GRM1: variants seen among roughly 807,000 people sequenced by gnomAD.
The protein encoded by GRM1 is metabotropic glutamate receptor 1.
Under a neutral mutation model 90.9 loss-of-function variants are expected in GRM1, and 33 were observed. The ratio of observed to expected loss-of-function variants is 0.36; its 90% CI spans 0.28 to 0.49. The LOEUF (loss-of-function observed/expected upper bound fraction) is 0.49. Among genes scored for constraint, GRM1 ranks in the 20% least tolerant of loss-of-function variants. The probability of loss-of-function intolerance (pLI) is 0.99; values close to 1 mark genes in which losing one functional copy is unlikely to be tolerated. For missense variants in GRM1, 1,190 were observed against 1,534.3 expected (o/e 0.78, Z 3.75); for synonymous variants, 700 against 613.2 (o/e 1.14, Z -2.09).
intron 1 of GRM1, among the ~76,000 whole-genome samples, chr6:146,136,730 G>A (rs896167255): frequency 6.6e-6 from 1 of 151,774 alleles, no homozygotes; most frequent in African/African-American, 2.4e-5. Context: ...ATTCAGTAAA[G>A]TTGCAGGATA....
chr6:146,042,905 G>T (rs887184391), intron 1 of GRM1, among the ~76,000 whole-genome samples: 1 of 151,950 alleles, frequency 6.6e-6, no homozygotes, highest in Non-Finnish European at 1.5e-5. Flanking sequence ...TCAGAGCCAA[G>T]AATTATCCTT....
chr6:146,122,010 C>A (rs969682251), intron 1 of GRM1, among the ~76,000 whole-genome samples: 4 of 152,084 alleles, frequency 2.6e-5, no homozygotes, highest in African/African-American at 9.7e-5. Flanking sequence ...TCTCGTTGAT[C>A]CGTCTAATAT....
At chr6:146,228,737 T>C (rs561579664) in intron 2 of GRM1, among the ~76,000 whole-genome samples, 12 of 152,318 alleles carry the variant, frequency 7.9e-5, no homozygotes, top group African/African-American at 2.4e-4. Flanking sequence ...AAAGACTCTC[T>C]TGAGATGCTT....
intron 3 of GRM1, among the ~76,000 whole-genome samples, chr6:146,319,036 G>T (rs1784076543): frequency 6.6e-6 from 1 of 152,116 alleles, no homozygotes; most frequent in African/African-American, 2.4e-5. Flanking sequence ...TGTTGCCATT[G>T]CTTTTGGTAT....
At chr6:146,422,900 GAAAGGAAAGGAA>G (rs1282824327) in intron 7 of GRM1, among the ~76,000 whole-genome samples, 1 of 149,492 alleles carries the variant, frequency 6.7e-6, no homozygotes, top group Non-Finnish European at 1.5e-5. Context: ...ACAAAAGGAA[GAAAGGAAAGGAA>G]AAAGGAATGG....
intron 2 of GRM1, among the ~76,000 whole-genome samples, chr6:146,187,861 A>T (rs1170761304): frequency 6.6e-6 from 1 of 152,044 alleles, no homozygotes; most frequent in African/African-American, 2.4e-5. Flanking sequence ...AATTTTCTAT[A>T]ATCGGTAAGA....
At chr6:146,048,484 A>C (rs1195299510) in intron 1 of GRM1, among the ~76,000 whole-genome samples, 1 of 152,014 alleles carries the variant, frequency 6.6e-6, no homozygotes, top group Non-Finnish European at 1.5e-5. Context: ...AAAACATTTC[A>C]AATATAATTC....
At chr6:146,281,476 T>C (rs1340981527) in intron 2 of GRM1, among the ~76,000 whole-genome samples, 1 of 152,230 alleles carries the variant, frequency 6.6e-6, no homozygotes, top group Non-Finnish European at 1.5e-5. Context: ...AAAGAAATTG[T>C]AATTAAAAAT....
chr6:146,301,565 C>A (rs553978166), intron 2 of GRM1, among the ~76,000 whole-genome samples: 1 of 152,278 alleles, frequency 6.6e-6, no homozygotes, highest in Admixed American at 6.5e-5. Context: ...ACAAATTTCA[C>A]ATCTTATTAA....
At chr6:146,086,998 G>A (rs1000032446) in intron 1 of GRM1, among the ~76,000 whole-genome samples, 2 of 151,992 alleles carry the variant, frequency 1.3e-5, no homozygotes, top group South Asian at 4.2e-4. Flanking sequence ...ATGTCAAAGA[G>A]ACATGAAAAT....
At chr6:146,249,785 T>C (rs1781206335) in intron 2 of GRM1, among the ~76,000 whole-genome samples, 1 of 152,070 alleles carries the variant, frequency 6.6e-6, no homozygotes, top group Non-Finnish European at 1.5e-5. Flanking sequence ...GCTTGCACCA[T>C]GCACCTGGAA....
intron 1 of GRM1, among the ~76,000 whole-genome samples, chr6:146,114,060 G>A (rs961515037): frequency 2.6e-5 from 4 of 152,062 alleles, no homozygotes; most frequent in African/African-American, 7.2e-5. Context: ...TTGTTGACAC[G>A]TGTTGAAATT....
Position 146,029,796 on chromosome 6 carries a change from G to C in GRM1, c.279G>C (p.Pro93=), listed in dbSNP as rs762412199. ...FHTLDKINAD[P]VLLPNITLGS... ...CGTTGGATAAGATCAACGCGGACCCGGTCCTCCTGCCCAACATCACCCTGG... is the reference window on the plus strand; with the variant it reads ...CGTTGGATAAGATCAACGCGGACCCCGTCCTCCTGCCCAACATCACCCTGG... Residue 93 remains proline, a synonymous_variant, in exon 1 of 8, where the codon CCG becomes CCC. Coordinates refer to ENST00000282753, the MANE Select transcript of GRM1 (RefSeq NM_001278064.2). The C allele has an allele frequency of 6.2e-7, 1 of 1,614,018 alleles. No homozygotes were observed.
intron 1 of GRM1, among the ~76,000 whole-genome samples, chr6:146,128,028 G>A (rs545848094): frequency 6.6e-6 from 1 of 152,198 alleles, no homozygotes; most frequent in Admixed American, 6.5e-5. Flanking sequence ...GAATGTGGCT[G>A]GAAGGTCTAC....
At chr6:146,289,011 A>G (rs1782878227) in intron 2 of GRM1, among the ~76,000 whole-genome samples, 1 of 152,206 alleles carries the variant, frequency 6.6e-6, no homozygotes, top group Admixed American at 6.5e-5. Flanking sequence ...ATAATTGTGT[A>G]CAGTGCCTAA....
At chr6:146,196,479 T>TG (rs1323715008) in intron 2 of GRM1, among the ~76,000 whole-genome samples, 1 of 147,258 alleles carries the variant, frequency 6.8e-6, no homozygotes, top group Non-Finnish European at 1.5e-5. Context: ...TTTTTTTTTT[T>TG]TTTTTTTAGT....
intron 2 of GRM1, among the ~76,000 whole-genome samples, chr6:146,187,265 T>C (rs1203663549): frequency 3.9e-5 from 6 of 152,146 alleles, no homozygotes; most frequent in Non-Finnish European, 8.8e-5. Flanking sequence ...TATAAAATAT[T>C]TATATAACCA....
intron 2 of GRM1, among the ~76,000 whole-genome samples, chr6:146,289,396 A>T (rs1196488797): frequency 1.3e-5 from 2 of 152,206 alleles, no homozygotes; most frequent in Non-Finnish European, 2.9e-5. Context: ...GATATAAAAA[A>T]TTTTTATATA....
chr6:146,332,149 A>G (rs1354183958), intron 3 of GRM1, among the ~76,000 whole-genome samples: 1 of 152,160 alleles, frequency 6.6e-6, no homozygotes. Flanking sequence ...GAGCTAATGC[A>G]TTGTGTGTAT....
Sources: allele counts gnomAD v4.1 joint callset (sites outside exome capture counted in the v4.1 genomes callset), GRCh38; gene constraint gnomAD v4.1.1; transcripts MANE v1.5; gene names NCBI Gene and HGNC (gene_info 2026-07-23, HGNC 2026-07-21).